LARGE1: variants seen among roughly 807,000 people sequenced by gnomAD.
LARGE1 encodes xylosyl- and glucuronyltransferase LARGE1.
In LARGE1, 43 loss-of-function variants were observed where a neutral mutation model predicts 87.6. The ratio of observed to expected loss-of-function variants is 0.49; its 90% CI spans 0.38 to 0.63. LARGE1 has a LOEUF of 0.63. LARGE1 is among the 30% of genes least tolerant of loss of function. The pLI, the probability that LARGE1 is intolerant of heterozygous loss-of-function variation, is 0.00. For synonymous variants in LARGE1, 434 were observed against 394.6 expected, an observed-to-expected ratio of 1.10 and a Z score of -1.18; for missense variants, 802 against 1,000.2, an observed-to-expected ratio of 0.80 and a Z score of 2.67.
chr22:33,260,674 G>T (rs2145745723), intron 11 of LARGE1, among the ~76,000 whole-genome samples: 1 of 152,274 alleles, frequency 6.6e-6, no homozygotes, highest in South Asian at 2.1e-4. Flanking sequence ...TTTGCTGTCT[G>T]CCTCTGCCTG....
intron 11 of LARGE1, among the ~76,000 whole-genome samples, chr22:33,307,454 G>A (rs1048507203): frequency 3.9e-5 from 6 of 152,164 alleles, no homozygotes; most frequent in Middle Eastern, 3.4e-3. Flanking sequence ...AAGTAAGAGC[G>A]TGTTCTTCTC....
At chr22:33,392,261 C>T (rs913796113) in intron 7 of LARGE1, among the ~76,000 whole-genome samples, 1 of 151,520 alleles carries the variant, frequency 6.6e-6, no homozygotes, top group Non-Finnish European at 1.5e-5. Context: ...TGCTTAATAT[C>T]AATATGATTC....
chr22:33,215,116 T>C (rs1276713406), intron 11 of LARGE1, among the ~76,000 whole-genome samples: 1 of 152,156 alleles, frequency 6.6e-6, no homozygotes, highest in African/African-American at 2.4e-5. Context: ...AATACTAAAC[T>C]CCATACCAAA....
At chr22:33,474,382 C>T (rs1302162600) in intron 6 of LARGE1, among the ~76,000 whole-genome samples, 2 of 152,130 alleles carry the variant, frequency 1.3e-5, no homozygotes, top group Non-Finnish European at 2.9e-5. Context: ...AGGCTGGTCT[C>T]GAACTCCTGA....
intron 11 of LARGE1, among the ~76,000 whole-genome samples, chr22:33,258,132 C>T (rs1000139818): frequency 2.6e-5 from 4 of 152,116 alleles, no homozygotes; most frequent in Non-Finnish European, 5.9e-5. Context: ...AGGTTCACCG[C>T]GATTCTCCCT....
At chr22:33,898,723 C>T (rs2065210433) in intron 1 of LARGE1, among the ~76,000 whole-genome samples, 1 of 152,220 alleles carries the variant, frequency 6.6e-6, no homozygotes, top group African/African-American at 2.4e-5. Flanking sequence ...CATTGCACTC[C>T]AGCCTGGGCA....
chr22:33,219,242 G>A (rs769786666), intron 11 of LARGE1, among the ~76,000 whole-genome samples: 2 of 152,172 alleles, frequency 1.3e-5, no homozygotes. Context: ...TAGAGGCTGT[G>A]ATTGGTATGA....
At chr22:33,216,739 T>C (rs932126941) in intron 11 of LARGE1, among the ~76,000 whole-genome samples, 1 of 152,156 alleles carries the variant, frequency 6.6e-6, no homozygotes, top group Non-Finnish European at 1.5e-5. Context: ...TCTCTTGAGA[T>C]ACCATGTAGC....
At chr22:33,637,024 T>C (rs2080288002) in intron 3 of LARGE1, among the ~76,000 whole-genome samples, 1 of 152,104 alleles carries the variant, frequency 6.6e-6, no homozygotes, top group South Asian at 2.1e-4. Flanking sequence ...ATCAAGTTCT[T>C]TTCTTCTTCT....
intron 2 of LARGE1, among the ~76,000 whole-genome samples, chr22:33,652,047 C>G (rs1052181324): frequency 2.0e-5 from 3 of 152,078 alleles, no homozygotes; most frequent in Non-Finnish European, 2.9e-5. Flanking sequence ...TGGCACGCAC[C>G]TGTATACAGT....
intron 11 of LARGE1, among the ~76,000 whole-genome samples, chr22:33,242,101 A>G (rs2145689644): frequency 6.6e-6 from 1 of 152,336 alleles, no homozygotes; most frequent in East Asian, 1.9e-4. Context: ...AAAACATCAC[A>G]TTGTGCCCAA....
At chr22:33,617,606 C>T (rs1258606522) in intron 4 of LARGE1, among the ~76,000 whole-genome samples, 1 of 152,126 alleles carries the variant, frequency 6.6e-6, no homozygotes, top group Non-Finnish European at 1.5e-5. Flanking sequence ...TGCCTGAGGC[C>T]CCTTAGAAAA....
intron 6 of LARGE1, among the ~76,000 whole-genome samples, chr22:33,457,293 CT>C (rs759460321): frequency 4.8e-3 from 358 of 74,886 alleles, no homozygotes; most frequent in Middle Eastern, 0.018. Flanking sequence ...ACGCCTGGCT[CT>C]TTTTTTTTTT....
intron 1 of LARGE1, among the ~76,000 whole-genome samples, chr22:33,860,200 C>A (rs2146583179): frequency 6.6e-6 from 1 of 152,056 alleles, no homozygotes; most frequent in South Asian, 2.1e-4. Flanking sequence ...CTATGTTGCC[C>A]AGACTGCTCT....
In LARGE1 at chr22:33,359,985, G is replaced by T. The variant is rs1224452318; in HGVS notation, c.1131+21934C>A. On this transcript the variant is annotated intron_variant, in intron 9 of 14. Coordinates refer to ENST00000397394, the MANE Select transcript of LARGE1 (RefSeq NM_133642.5). ...TATGGGACCAAAGTCCTGAGTTTTG[G>T]GTTAAATGAAGGTTGCCAGTTAGAG... is the stretch of plus-strand genomic sequence containing the variant. 1.3e-5 allele frequency among the ~76,000 whole-genome samples: 2 copies of T among 149,308 alleles called. 1 individual carries two copies. The highest frequency in any genetic ancestry group is 3.0e-5 in the Non-Finnish European group (2 of 67,028).
At chr22:33,089,366 CTT>C in the LARGE1 span, among the ~76,000 whole-genome samples, 7 of 63,422 alleles carry the variant, frequency 1.1e-4, no homozygotes, top group African/African-American at 3.8e-4. Context: ...TCTTCTTCTT[CTT>C]CTCCTTCTTC....
intron 5 of LARGE1, among the ~76,000 whole-genome samples, chr22:33,570,089 G>C (rs1334957813): frequency 6.6e-6 from 1 of 152,168 alleles, no homozygotes; most frequent in Non-Finnish European, 1.5e-5. Context: ...CTTTTAATGA[G>C]CTGTGTGACC....
intron 1 of LARGE1, among the ~76,000 whole-genome samples, chr22:33,866,354 TAAAC>T (rs1263465967): frequency 1.3e-5 from 2 of 152,182 alleles, no homozygotes; most frequent in Non-Finnish European, 2.9e-5. Flanking sequence ...TAATTAAAAT[TAAAC>T]AAAATTAAAA....
chr22:33,656,625 C>T (rs960935930), intron 2 of LARGE1, among the ~76,000 whole-genome samples: 1 of 152,158 alleles, frequency 6.6e-6, no homozygotes, highest in African/African-American at 2.4e-5. Context: ...TCTCTATTAC[C>T]TTTCCTTCCA....
Sources: gnomAD v4.1 joint callset for allele counts (sites outside exome capture counted in the v4.1 genomes callset) on GRCh38, gnomAD v4.1.1 for gene constraint, MANE v1.5 for transcripts, NCBI Gene and HGNC (gene_info 2026-07-23, HGNC 2026-07-21) for gene names.